Variants in PAPSS2 observed in about 807,000 individuals in gnomAD.
PAPSS2 encodes 3'-phosphoadenosine 5'-phosphosulfate synthase 2, also known as bifunctional 3'-phosphoadenosine 5'-phosphosulfate synthase 2.
PAPSS2 carries 61 observed loss-of-function variants against 66.5 expected under a neutral mutation model. The ratio of observed to expected loss-of-function variants is 0.92; its 90% CI spans 0.75 to 1.14. The LOEUF (loss-of-function observed/expected upper bound fraction) is 1.14, where lower values mean the gene tolerates loss of function less well. PAPSS2 is among the 50% of genes most tolerant of loss of function. The probability of loss-of-function intolerance (pLI) is 0.00; values close to 1 mark genes in which losing one functional copy is unlikely to be tolerated. For missense variants in PAPSS2, 708 were observed against 789.6 expected, an observed-to-expected ratio of 0.90 and a Z score of 1.24; for synonymous variants, 289 against 287.5, an observed-to-expected ratio of 1.01 and a Z score of -0.05.
Position 87,713,312 on chromosome 10 carries a change from T to TAAGA in PAPSS2, c.381+4_381+5insGAAA. 2 of 573,436 alleles carry TAAGA rather than the reference T, an allele frequency of 3.5e-6. No homozygotes were observed. Among genetic ancestry groups the TAAGA allele is most frequent in the South Asian group, 4.3e-5 (2 of 46,078 alleles). The allele number at this position is 573,436 out of a possible 1,614,324, so 35.5% of individuals were successfully genotyped here. On this transcript the variant is annotated splice_region_variant and intron_variant, in intron 3 of 12. Coordinates refer to ENST00000456849, the MANE Select transcript of PAPSS2 (RefSeq NM_001015880.2). Reference sequence around the variant, plus strand: ...AGCTTTATTTCTCCATTCGCAAAGGTAAAAAAAAAAAAAAAAAAAAAAGGC... The same window carrying TAAGA: ...AGCTTTATTTCTCCATTCGCAAAGGTAAGAAAAAAAAAAAAAAAAAAAAAAAGGC...
rs75757259 is a variant in PAPSS2, at chr10:87,696,901, A to G, written c.28-12295A>G. Among the ~76,000 whole-genome samples, 709 of 152,358 alleles carry G rather than the reference A, an allele frequency of 4.7e-3. 6 individuals carry two copies. The highest frequency in any genetic ancestry group is 0.016 in the African/African-American group (673 of 41,584). ...TGAGAAGATGGTGCAAGGAGTTCCC[A>G]TGGACCCTGACACCTAGTTTACTCT... is the stretch of plus-strand genomic sequence containing the variant. On this transcript the variant is annotated intron_variant, in intron 1 of 12. Transcript: ENST00000456849.
At position 87,709,290 on chromosome 10, in the gene PAPSS2, G is replaced by A. The variant is rs760379089; in HGVS notation, c.122G>A (p.Arg41Gln). The change falls in exon 2 of 13, where the codon CGA becomes CAA. Residue 41 changes from arginine to glutamine, a missense_variant. Coordinates refer to ENST00000456849, the MANE Select transcript of PAPSS2 (RefSeq NM_001015880.2). ...GTGGTTGGAACAAGGGGTGGGTTCC[G>A]AGGATGTACCGTGTGGCTAACAGGT... ...GQVVGTRGGF[R>Q]GCTVWLTGLS... 4.3e-6 allele frequency: 7 copies of A among 1,609,426 alleles called. No homozygotes were observed. In the East Asian group the frequency reaches 6.7e-5, roughly 15 times the overall value.
chr10:87,743,493 C>T lies in PAPSS2; in HGVS notation c.1343C>T (p.Pro448Leu), dbSNP rs147179766. The change falls in exon 11 of 13, where the codon CCT (proline) becomes CTT (leucine). Residue 448 changes from proline (P) to leucine (L), a missense_variant. Physicochemically the swap from Pro to Leu is moderately conservative, Grantham distance 98. Coordinates refer to ENST00000456849, the MANE Select transcript of PAPSS2 (RefSeq NM_001015880.2). ...GYKHPVLLLH[P>L]LGGWTKDDDV... ...AAGCACCCGGTCCTCCTACTACACC[C>T]TCTGGGCGGCTGGACCAAGGATGAC... is the stretch of plus-strand genomic sequence containing the variant. 3.1e-6 allele frequency: 5 copies of T among 1,614,136 alleles called. No individual in the cohort carries two copies. Among genetic ancestry groups the T allele is most frequent in the Middle Eastern group, 1.6e-4 (1 of 6,062 alleles).
At chr10:87,681,851 T>A (rs1853025662) in intron 1 of PAPSS2, among the ~76,000 whole-genome samples, 1 of 152,244 alleles carries the variant, frequency 6.6e-6, no homozygotes, top group Non-Finnish European at 1.5e-5. Flanking sequence ...TTAAGATTCA[T>A]TCATGTTGCT....
chr10:87,737,686 G>T (rs368566177), intron 9 of PAPSS2, among the ~76,000 whole-genome samples: 13 of 152,256 alleles, frequency 8.5e-5, no homozygotes, highest in African/African-American at 3.1e-4. Context: ...TTAGCCAGGT[G>T]TGGTGGCATG....
chr10:87,685,552 G>A (rs572112122), intron 1 of PAPSS2, among the ~76,000 whole-genome samples: 10 of 152,166 alleles, frequency 6.6e-5, no homozygotes, highest in Non-Finnish European at 1.3e-4. Flanking sequence ...GCATGATGAT[G>A]TATACCTGCA....
intron 1 of PAPSS2, among the ~76,000 whole-genome samples, chr10:87,664,566 A>C (rs937241724): frequency 6.6e-6 from 1 of 152,184 alleles, no homozygotes; most frequent in African/African-American, 2.4e-5. Context: ...TCTTTGAGAT[A>C]GTTATCTTTG....
chr10:87,736,453 A>C (rs976764902), intron 9 of PAPSS2, among the ~76,000 whole-genome samples: 2 of 151,756 alleles, frequency 1.3e-5, no homozygotes, highest in Non-Finnish European at 2.9e-5. Context: ...TTTTTAGTAG[A>C]GACAGGGTTT....
At chr10:87,732,043 A>G (rs58593384) in intron 9 of PAPSS2, among the ~76,000 whole-genome samples, 2,309 of 152,286 alleles carry the variant, frequency 0.015, 60 homozygotes, top group African/African-American at 0.051. Flanking sequence ...GAAATCTTTC[A>G]TGAAAGAAAG....
intron 7 of PAPSS2, among the ~76,000 whole-genome samples, chr10:87,718,135 C>T (rs1000907085): frequency 6.6e-6 from 1 of 151,870 alleles, no homozygotes; most frequent in African/African-American, 2.4e-5. Flanking sequence ...CTCTGCCTCC[C>T]GGGTTCAAGC....
chr10:87,703,778 C>T (rs770525497), intron 1 of PAPSS2: 1 of 518,822 alleles, frequency 1.9e-6, no homozygotes, highest in East Asian at 5.5e-5. Flanking sequence ...GAGATTTTTG[C>T]AAAATTGTCT....
In PAPSS2 at chr10:87,745,176, C is replaced by A; in HGVS notation, c.1666C>A (p.Arg556=). The change falls in exon 12 of 13, where the codon CGA becomes AGA. Residue 556 remains arginine (R), a synonymous_variant. Coordinates refer to ENST00000456849, the MANE Select transcript of PAPSS2 (RefSeq NM_001015880.2). ...CACCTCTGTGGAAATCATTCCATTC[C>A]GAGTGGCTGCCTACAACAAAGCCAA... is the stretch of plus-strand genomic sequence containing the variant. ...GLTSVEIIPF[R]VAAYNKAKKA... is the part of the protein sequence containing the mutation. The A allele has an allele frequency of 6.2e-7, 1 of 1,614,042 alleles. No individual in the cohort carries two copies. Among genetic ancestry groups the A allele is most frequent in the South Asian group, 1.1e-5 (1 of 91,064 alleles).
chr10:87,725,537 G>T (rs770104069), intron 8 of PAPSS2, among the ~76,000 whole-genome samples: 1 of 152,120 alleles, frequency 6.6e-6, no homozygotes, highest in Non-Finnish European at 1.5e-5. Context: ...CTGTGGTTGC[G>T]TTAGCAAGAC....
At position 87,714,756 on chromosome 10, in the gene PAPSS2, A is replaced by C. The variant is rs374321628; in HGVS notation, c.532A>C (p.Ile178Leu). ...RAGEIKGFTGIDSDYEKPETP... is the reference protein window; with the variant it reads ...RAGEIKGFTGLDSDYEKPETP... Reference sequence around the variant, plus strand: ...CATATGCTTTGCAGGATTTACAGGTATTGATTCTGATTATGAGAAACCTGA... The same window carrying C: ...CATATGCTTTGCAGGATTTACAGGTCTTGATTCTGATTATGAGAAACCTGA... Residue 178 changes from isoleucine to leucine, a missense_variant, in exon 5 of 13, where the codon ATT becomes CTT. Physicochemically the swap from Ile to Leu is conservative, Grantham distance 5. Coordinates refer to ENST00000456849, the MANE Select transcript of PAPSS2 (RefSeq NM_001015880.2). 3.8e-5 allele frequency: 61 copies of C among 1,593,504 alleles called. No homozygotes were observed. Among genetic ancestry groups the C allele is most frequent in the Non-Finnish European group, 5.2e-5 (60 of 1,161,438 alleles).
intron 8 of PAPSS2, among the ~76,000 whole-genome samples, chr10:87,722,888 C>A (rs958462305): frequency 6.6e-6 from 1 of 152,194 alleles, no homozygotes; most frequent in Non-Finnish European, 1.5e-5. Context: ...TCTATAACAT[C>A]CCACAGATTC....
At chr10:87,695,540 CAAGGCTG>C (rs1375307603) in intron 1 of PAPSS2, among the ~76,000 whole-genome samples, 1 of 152,180 alleles carries the variant, frequency 6.6e-6, no homozygotes, top group Admixed American at 6.5e-5. Context: ...GGGTCAGGAC[CAAGGCTG>C]AACATCATTT....
intron 1 of PAPSS2, among the ~76,000 whole-genome samples, chr10:87,697,772 T>C (rs1853252474): frequency 6.6e-6 from 1 of 152,206 alleles, no homozygotes; most frequent in South Asian, 2.1e-4. Context: ...GGGTGGTTTA[T>C]CATCCAATGG....
chr10:87,745,310 A>C, intron 12 of PAPSS2, 79 bp downstream of exon 12: 1 of 1,128,290 alleles, frequency 8.9e-7, no homozygotes, highest in Non-Finnish European at 1.3e-6. Flanking sequence ...CCTTTGAAAA[A>C]CTCTCCAGTG....
At chr10:87,661,750 A>T (rs1172224290) in intron 1 of PAPSS2, among the ~76,000 whole-genome samples, 1 of 152,204 alleles carries the variant, frequency 6.6e-6, no homozygotes, top group Non-Finnish European at 1.5e-5. Flanking sequence ...GTATTTACAC[A>T]TTCTGAACCT....
Sources: gnomAD v4.1 joint callset for allele counts (sites outside exome capture counted in the v4.1 genomes callset) on GRCh38, gnomAD v4.1.1 for gene constraint, MANE v1.5 for transcripts, NCBI Gene and HGNC (gene_info 2026-07-23, HGNC 2026-07-21) for gene names.